MAMDC2: variants seen among roughly 807,000 people sequenced by gnomAD.
MAMDC2 encodes MAM domain containing 2.
MAMDC2 carries 57 observed loss-of-function variants against 89.8 expected under a neutral mutation model. The observed-to-expected ratio is 0.63, with a 90% CI of 0.51 to 0.79. MAMDC2 has a LOEUF of 0.79. Ranked by LOEUF, MAMDC2 falls within the 30% of genes least tolerant of loss-of-function variation. The pLI, the probability that MAMDC2 is intolerant of heterozygous loss-of-function variation, is 0.00. For missense variants in MAMDC2, 800 were observed against 820.6 expected (o/e 0.97, Z 0.31); for synonymous variants, 313 against 293.4 (o/e 1.07, Z -0.68).
rs753034886 is a variant in MAMDC2, at chr9:70,225,954, G to A, written c.1997-14G>A. The A allele has an allele frequency of 1.3e-6, 2 of 1,551,628 alleles. No individual in the cohort carries two copies. The highest frequency in any genetic ancestry group is 1.2e-5 in the South Asian group (1 of 84,308). Reference sequence around the variant, plus strand: ...ATAAAAATACTGTTATTGTATATTTGTCTTTCCTGACAGAAATGGAAGATA... The same window carrying A: ...ATAAAAATACTGTTATTGTATATTTATCTTTCCTGACAGAAATGGAAGATA... On this transcript the variant is annotated splice_polypyrimidine_tract_variant and intron_variant, in intron 13 of 13. Transcript: ENST00000377182.
chr9:70,222,700 T>A (rs1054838082), intron 12 of MAMDC2, among the ~76,000 whole-genome samples: 2 of 152,154 alleles, frequency 1.3e-5, no homozygotes, highest in African/African-American at 4.8e-5. Flanking sequence ...TTTCATGACT[T>A]TTCCTCCTTG....
At chr9:70,064,174 A>T (rs1218397553) in intron 2 of MAMDC2, among the ~76,000 whole-genome samples, 6 of 151,832 alleles carry the variant, frequency 4.0e-5, no homozygotes, top group South Asian at 2.1e-4. Context: ...TTTTTTTAAA[A>T]TTTTTTTTCC....
chr9:70,054,864 G>C lies in MAMDC2; in HGVS notation c.148+10167G>C, dbSNP rs375773272. 4.2e-3 allele frequency among the ~76,000 whole-genome samples: 646 copies of C among 152,170 alleles called. 3 individuals are homozygous for C. Among genetic ancestry groups the C allele is most frequent in the South Asian group, 0.023 (112 of 4,808 alleles). Reference sequence around the variant, plus strand: ...TCTACTGTAAATACAGGGGAGGTGGGAGCTTGGGCTGAATCTGTGGTAATT... The same window carrying C: ...TCTACTGTAAATACAGGGGAGGTGGCAGCTTGGGCTGAATCTGTGGTAATT... On this transcript the variant is annotated intron_variant, in intron 2 of 13. Coordinates refer to ENST00000377182, the MANE Select transcript of MAMDC2 (RefSeq NM_153267.5).
intron 2 of MAMDC2, among the ~76,000 whole-genome samples, chr9:70,107,035 G>A (rs540940691): frequency 6.6e-6 from 1 of 152,200 alleles, no homozygotes; most frequent in East Asian, 1.9e-4. Flanking sequence ...TAGGGAGACC[G>A]AAGTGCAGAC....
intron 9 of MAMDC2, among the ~76,000 whole-genome samples, chr9:70,145,465 A>G (rs563458584): frequency 5.2e-4 from 79 of 152,330 alleles, no homozygotes; most frequent in African/African-American, 1.9e-3. Flanking sequence ...GAGAAATCCA[A>G]GTTTCTCTGC....
rs767022865 is a variant in MAMDC2, at chr9:70,109,734, T to G, written c.435T>G (p.Gly145=). The G allele has an allele frequency of 6.2e-7, 1 of 1,613,618 alleles. No homozygotes were observed. The highest frequency in any genetic ancestry group is 1.7e-5 in the Admixed American group (1 of 60,010). Residue 145 remains glycine, a synonymous_variant, in exon 4 of 14, where the codon GGT becomes GGG. Transcript: ENST00000377182. ...SSKKFKILIE[G]VLGQGNTASI... Reference sequence around the variant, plus strand: ...ATGTTGTGCAGATTTTAATAGAAGGTGTACTAGGACAGGGAAACACAGCCA... The same window carrying G: ...ATGTTGTGCAGATTTTAATAGAAGGGGTACTAGGACAGGGAAACACAGCCA...
intron 2 of MAMDC2, among the ~76,000 whole-genome samples, chr9:70,103,055 G>A (rs1828237514): frequency 6.6e-6 from 1 of 152,140 alleles, no homozygotes; most frequent in Admixed American, 6.5e-5. Context: ...GTGGAGTAAG[G>A]ACCTCAGAGA....
chr9:70,148,762 G>C lies in MAMDC2; in HGVS notation c.1404+4943G>C, dbSNP rs572171515. On this transcript the variant is annotated intron_variant, in intron 9 of 13. Coordinates refer to ENST00000377182, the MANE Select transcript of MAMDC2 (RefSeq NM_153267.5). ...AATATTTTAAAGGCCAGGCGCGGTG[G>C]CTCACGCCTGTAATCCCAGCACTTT... 2.0e-3 allele frequency among the ~76,000 whole-genome samples: 301 copies of C among 150,092 alleles called. 19 individuals are homozygous for C. Among genetic ancestry groups the C allele is most frequent in the African/African-American group, 7.1e-3 (289 of 40,616 alleles).
intron 2 of MAMDC2, among the ~76,000 whole-genome samples, chr9:70,065,243 G>A (rs538319072): frequency 2.6e-5 from 4 of 152,242 alleles, no homozygotes; most frequent in African/African-American, 7.2e-5. Flanking sequence ...GTTTTGTGGT[G>A]AACATTCTAG....
intron 2 of MAMDC2, among the ~76,000 whole-genome samples, chr9:70,067,419 G>A (rs73460530): frequency 0.045 from 6,773 of 152,118 alleles, 459 homozygotes; most frequent in African/African-American, 0.15. Context: ...TTTTCTGCTT[G>A]CTCAGATACA....
At position 70,170,459 on chromosome 9, in the gene MAMDC2, C is replaced by A; in HGVS notation, c.1499-20C>A. ...ATTGAAAGAGTCTCAGTGATTGCAA[C>A]ATCTGCTATTTTCTTGCAGAGAAAC... On this transcript the variant is annotated intron_variant, in intron 10 of 13. Coordinates refer to ENST00000377182, the MANE Select transcript of MAMDC2 (RefSeq NM_153267.5). The A allele has an allele frequency of 6.3e-7, 1 of 1,591,900 alleles. No individual in the cohort carries two copies. Among genetic ancestry groups the A allele is most frequent in the South Asian group, 1.2e-5 (1 of 86,498 alleles).
At chr9:70,080,645 ACAGT>A (rs1169990561) in intron 2 of MAMDC2, among the ~76,000 whole-genome samples, 1 of 152,216 alleles carries the variant, frequency 6.6e-6, no homozygotes, top group Non-Finnish European at 1.5e-5. Context: ...GTTTGTTTAC[ACAGT>A]CAGTTTCCTA....
intron 3 of MAMDC2, 87 bp downstream of exon 3, chr9:70,108,569 G>A: frequency 1.7e-6 from 2 of 1,169,190 alleles, no homozygotes; most frequent in Admixed American, 2.6e-5. Flanking sequence ...TGACATGGAG[G>A]TTAGTTATCT....
At chr9:70,124,177 C>T (rs1237624094) in intron 5 of MAMDC2, among the ~76,000 whole-genome samples, 1 of 152,072 alleles carries the variant, frequency 6.6e-6, no homozygotes, top group Non-Finnish European at 1.5e-5. Context: ...CACCCCAAGC[C>T]GGTTATTGCC....
chr9:70,125,217 A>G (rs773372504), intron 5 of MAMDC2, among the ~76,000 whole-genome samples: 3 of 152,206 alleles, frequency 2.0e-5, no homozygotes, highest in Non-Finnish European at 4.4e-5. Flanking sequence ...ATGGTTCTAG[A>G]ATTGTGAATG....
intron 2 of MAMDC2, among the ~76,000 whole-genome samples, chr9:70,106,355 C>A (rs1421349413): frequency 6.7e-6 from 1 of 149,756 alleles, no homozygotes; most frequent in South Asian, 2.1e-4. Context: ...CTCTTTTATA[C>A]TCCATGTCCA....
chr9:70,212,039 C>T (rs1035826050), intron 11 of MAMDC2, among the ~76,000 whole-genome samples: 1 of 152,260 alleles, frequency 6.6e-6, no homozygotes, highest in Non-Finnish European at 1.5e-5. Context: ...TTGGCCCCTA[C>T]TGGGAGGTGT....
intron 2 of MAMDC2, among the ~76,000 whole-genome samples, chr9:70,078,134 A>G (rs1456356280): frequency 6.6e-6 from 1 of 151,682 alleles, no homozygotes; most frequent in Non-Finnish European, 1.5e-5. Context: ...CATGACAATT[A>G]GGGGTTCATT....
At chr9:70,125,284 ACATGACTC>A in intron 5 of MAMDC2, among the ~76,000 whole-genome samples, 1 of 152,348 alleles carries the variant, frequency 6.6e-6, no homozygotes, top group Non-Finnish European at 1.5e-5. Flanking sequence ...CACTTTACAT[ACATGACTC>A]CATGTAATAT....
Sources: allele counts gnomAD v4.1 joint callset (sites outside exome capture counted in the v4.1 genomes callset), GRCh38; gene constraint gnomAD v4.1.1; transcripts MANE v1.5; gene names NCBI Gene and HGNC (gene_info 2026-07-23, HGNC 2026-07-21).